The following NCAM1 variants were observed in gnomAD, a reference collection of about 807,000 sequenced individuals.
NCAM1 encodes antigen recognized by monoclonal antibody 5.1H11.
A neutral mutation model predicts 109.8 loss-of-function variants in NCAM1; 14 were observed. The ratio of observed to expected loss-of-function variants is 0.13; its 90% CI spans 0.08 to 0.20. The LOEUF (loss-of-function observed/expected upper bound fraction) is 0.20, where lower values mean the gene tolerates loss of function less well. Among genes scored for constraint, NCAM1 ranks in the 10% least tolerant of loss-of-function variants. The probability of loss-of-function intolerance (pLI) is 1.00; values close to 1 mark genes in which losing one functional copy is unlikely to be tolerated. For missense variants in NCAM1, 774 were observed against 1,109.9 expected, an observed-to-expected ratio of 0.70 and a Z score of 4.30; for synonymous variants, 418 against 442.9, an observed-to-expected ratio of 0.94 and a Z score of 0.70.
chr11:113,158,898 A>C (rs781862046), intron 1 of NCAM1, among the ~76,000 whole-genome samples: 1 of 152,244 alleles, frequency 6.6e-6, no homozygotes, highest in Non-Finnish European at 1.5e-5. Context: ...CAGACAGCTT[A>C]ATAACTGTGT....
rs186608146 is a variant in NCAM1, at chr11:113,235,832, G to A, written c.1825+668G>A. Among the ~76,000 whole-genome samples, 167 of 152,094 alleles carry A rather than the reference G, an allele frequency of 1.1e-3. 2 individuals carry two copies. Among genetic ancestry groups the A allele is most frequent in the East Asian group, 3.9e-4 (2 of 5,178 alleles). ...GCCATTCCCTCTTTCTTTTAACTAC[G>A]CCTATCCCACTTTGCCCTCCCTTCC... On this transcript the variant is annotated intron_variant, in intron 14 of 19. Coordinates refer to ENST00000316851, the MANE Select transcript of NCAM1 (RefSeq NM_181351.5).
intron 14 of NCAM1, among the ~76,000 whole-genome samples, chr11:113,244,449 C>T (rs548639162): frequency 2.0e-5 from 3 of 152,280 alleles, no homozygotes; most frequent in South Asian, 4.1e-4. Flanking sequence ...CCAGTGGATA[C>T]TGAGATAAAG....
chr11:113,159,048 A>G (rs1272732917), intron 1 of NCAM1, among the ~76,000 whole-genome samples: 2 of 151,596 alleles, frequency 1.3e-5, no homozygotes, highest in Non-Finnish European at 3.0e-5. Flanking sequence ...TTGATGCAAG[A>G]TGAGGGTTTT....
chr11:113,124,770 A>G (rs782787670), intron 1 of NCAM1, among the ~76,000 whole-genome samples: 1 of 152,218 alleles, frequency 6.6e-6, no homozygotes, highest in Non-Finnish European at 1.5e-5. Context: ...TCACTACAGC[A>G]TTCAAGTCAG....
Position 113,204,385 on chromosome 11 carries a change from A to T in NCAM1, c.227A>T (p.Asp76Val), listed in dbSNP as rs782404306. Residue 76 changes from aspartate (D) to valine (V), a missense_variant, in exon 3 of 20, where the codon GAT becomes GTT. By Grantham distance (152) the Asp-to-Val change is radical. Coordinates refer to ENST00000316851, the MANE Select transcript of NCAM1 (RefSeq NM_181351.5). ...CGGATCTCAGTGGTGTGGAATGATGATTCCTCCTCCACCCTCACCATCTAT... is the reference window on the plus strand; with the variant it reads ...CGGATCTCAGTGGTGTGGAATGATGTTTCCTCCTCCACCCTCACCATCTAT... The part of the protein sequence containing the change: ...QQRISVVWND[D>V]SSSTLTIYNA... The T allele has an allele frequency of 6.2e-7, 1 of 1,613,984 alleles. No homozygotes were observed. Among genetic ancestry groups the T allele is most frequent in the Non-Finnish European group, 8.5e-7 (1 of 1,179,874 alleles).
chr11:113,063,729 A>G (rs1555083785), intron 1 of NCAM1, among the ~76,000 whole-genome samples: 1 of 143,924 alleles, frequency 6.9e-6, no homozygotes, highest in Non-Finnish European at 1.6e-5. Context: ...CTAAGAACAT[A>G]TGATACTTTG....
At position 113,006,336 on chromosome 11, in the gene NCAM1, C is replaced by A. The variant is rs1951893471; in HGVS notation, c.52+44672C>A. ...TAAGGGGAATCCTACACTATCAACT[C>A]ATTCTGGGGACTCTCAGGGACAATG... On this transcript the variant is annotated intron_variant, in intron 1 of 19. Coordinates refer to ENST00000316851, the MANE Select transcript of NCAM1 (RefSeq NM_181351.5). Among the ~76,000 whole-genome samples, 3 of 152,170 alleles carry A rather than the reference C, an allele frequency of 2.0e-5. 1 individual carries two copies. In the South Asian group the frequency reaches 6.2e-4, roughly 32 times the overall value.
At chr11:113,257,544 G>T (rs374093656) in intron 16 of NCAM1, among the ~76,000 whole-genome samples, 1 of 152,148 alleles carries the variant, frequency 6.6e-6, no homozygotes, top group Admixed American at 6.5e-5. Flanking sequence ...ACCATCTCCC[G>T]TATGACATCT....
chr11:113,148,449 A>T (rs1413442425), intron 1 of NCAM1, among the ~76,000 whole-genome samples: 3 of 148,318 alleles, frequency 2.0e-5, no homozygotes, highest in African/African-American at 7.5e-5. Context: ...TGTCCTCTTA[A>T]TTTCTGTATA....
At chr11:113,130,419 A>C (rs936178428) in intron 1 of NCAM1, among the ~76,000 whole-genome samples, 1 of 152,224 alleles carries the variant, frequency 6.6e-6, no homozygotes. Context: ...ACATTCAATG[A>C]GTCAATTAAA....
At chr11:113,127,223 G>A (rs1941214694) in intron 1 of NCAM1, among the ~76,000 whole-genome samples, 1 of 152,294 alleles carries the variant, frequency 6.6e-6, no homozygotes, top group Admixed American at 6.5e-5. Context: ...GTGGGGTTTA[G>A]AAAGCATTTT....
At chr11:112,970,855 C>T (rs1950859978) in intron 1 of NCAM1, among the ~76,000 whole-genome samples, 1 of 152,060 alleles carries the variant, frequency 6.6e-6, no homozygotes, top group East Asian at 1.9e-4. Context: ...GGGGGCATAG[C>T]TGAGATGTTA....
intron 1 of NCAM1, among the ~76,000 whole-genome samples, chr11:113,191,712 T>TAC (rs1943679304): frequency 6.6e-6 from 1 of 151,934 alleles, no homozygotes; most frequent in East Asian, 1.9e-4. Context: ...GATAGATAGA[T>TAC]ACACATGTAC....
At position 113,055,978 on chromosome 11, in the gene NCAM1, G is replaced by GAT. The variant is rs58693567; in HGVS notation, c.52+94360_52+94361dup. Among the ~76,000 whole-genome samples the GAT allele has an allele frequency of 8.5e-3, 507 of 59,916 alleles. 4 individuals are homozygous for GAT. The highest frequency in any genetic ancestry group is 0.011 in the Non-Finnish European group (333 of 29,994). 39.3% of individuals were successfully genotyped at this position (59,916 alleles called of 152,430 possible). A position where few individuals can be genotyped will look rare whatever the true frequency, so the allele number is the denominator to read the frequency against. The stretch of plus-strand genomic sequence containing the variant: ...GTGGATGAATGGATAAAGAAAATGT[G>GAT]ATATATATATATATATATATATATA... On this transcript the variant is annotated intron_variant, in intron 1 of 19. Coordinates refer to ENST00000316851, the MANE Select transcript of NCAM1 (RefSeq NM_181351.5).
In NCAM1 at chr11:113,274,918, C is replaced by T. The variant is rs375589200; in HGVS notation, c.2457-349C>T. Among the ~76,000 whole-genome samples the T allele has an allele frequency of 1.3e-5, 2 of 152,224 alleles. No homozygotes were observed. The highest frequency in any genetic ancestry group is 2.9e-5 in the Non-Finnish European group (2 of 68,044). On this transcript the variant is annotated intron_variant, in intron 19 of 19. Coordinates refer to ENST00000316851, the MANE Select transcript of NCAM1 (RefSeq NM_181351.5). The surrounding 1 kb of genome is among the most constrained non-coding windows in gnomAD (Gnocchi z 4.1). Reference sequence around the variant, plus strand: ...TGAGGAGGAGCTGCCTCTGCTGCCCCCTTCCACCACCCCAGGTAAAAACAC... The same window carrying T: ...TGAGGAGGAGCTGCCTCTGCTGCCCTCTTCCACCACCCCAGGTAAAAACAC...
intron 5 of NCAM1, among the ~76,000 whole-genome samples, chr11:113,206,438 T>G (rs1259063512): frequency 6.6e-6 from 1 of 151,098 alleles, no homozygotes; most frequent in African/African-American, 2.4e-5. Flanking sequence ...TCTGCAGCAC[T>G]AAAAACTTTC....
At chr11:113,202,056 C>T (rs1170546470) in intron 1 of NCAM1, among the ~76,000 whole-genome samples, 2 of 152,176 alleles carry the variant, frequency 1.3e-5, no homozygotes, top group Non-Finnish European at 2.9e-5. Context: ...TAAGTCTTCT[C>T]AAGGGGTTGG....
intron 1 of NCAM1, among the ~76,000 whole-genome samples, chr11:113,031,458 G>A (rs533673792): frequency 9.2e-5 from 14 of 152,276 alleles, no homozygotes; most frequent in Non-Finnish European, 1.3e-4. Flanking sequence ...TTGGGAGGCC[G>A]AGGCGGGCAG....
At chr11:112,975,500 T>G (rs1950984098) in intron 1 of NCAM1, among the ~76,000 whole-genome samples, 1 of 152,070 alleles carries the variant, frequency 6.6e-6, no homozygotes, top group Admixed American at 6.6e-5. Flanking sequence ...AAGACAATCT[T>G]GAAATGTCAG....
Sources: gnomAD v4.1 joint callset for allele counts (sites outside exome capture counted in the v4.1 genomes callset) on GRCh38, gnomAD v4.1.1 for gene constraint, Gnocchi (gnomAD v3.1) non-coding constraint, MANE v1.5 for transcripts, NCBI Gene and HGNC (gene_info 2026-07-23, HGNC 2026-07-21) for gene names.